The following MACROD2 variants were observed in gnomAD, a reference collection of about 807,000 sequenced individuals.
The protein encoded by MACROD2 is mono-ADP ribosylhydrolase 2, also known as ADP-ribose glycohydrolase MACROD2.
In MACROD2, 36 loss-of-function variants were observed where a neutral mutation model predicts 70.4. The observed-to-expected ratio is 0.51, with a 90% CI of 0.39 to 0.68. The LOEUF (loss-of-function observed/expected upper bound fraction) is 0.68, where lower values mean the gene tolerates loss of function less well. Among genes scored for constraint, MACROD2 ranks in the 30% least tolerant of loss-of-function variants. The pLI is 0.00. For synonymous variants in MACROD2, 172 were observed against 178.8 expected (o/e 0.96, Z 0.30); for missense variants, 496 against 538.4 (o/e 0.92, Z 0.78).
At chr20:15,551,676 C>G (rs1442676818) in intron 8 of MACROD2, among the ~76,000 whole-genome samples, 1 of 151,894 alleles carries the variant, frequency 6.6e-6, no homozygotes, top group African/African-American at 2.4e-5. Context: ...AGAGACCAGC[C>G]TGGGCAACAT....
At chr20:15,181,066 G>A (rs529263714) in intron 5 of MACROD2, among the ~76,000 whole-genome samples, 1 of 152,158 alleles carries the variant, frequency 6.6e-6, no homozygotes, top group African/African-American at 2.4e-5. Context: ...ATATACAGGG[G>A]GACCTTGACC....
intron 5 of MACROD2, among the ~76,000 whole-genome samples, chr20:15,101,981 A>G (rs1280962435): frequency 6.6e-6 from 1 of 152,046 alleles, no homozygotes; most frequent in Non-Finnish European, 1.5e-5. Context: ...CCTAGTAAAA[A>G]TAACAACAAA....
chr20:14,515,872 G>T (rs1456138852), intron 4 of MACROD2, among the ~76,000 whole-genome samples: 1 of 151,434 alleles, frequency 6.6e-6, no homozygotes, highest in Non-Finnish European at 1.5e-5. Flanking sequence ...TCACAGAAAA[G>T]AAGTTGGTAA....
At chr20:15,364,274 C>G (rs1306258704) in intron 6 of MACROD2, among the ~76,000 whole-genome samples, 1 of 152,178 alleles carries the variant, frequency 6.6e-6, no homozygotes. Context: ...CACTGGATGC[C>G]CTGCAGCAGT....
intron 8 of MACROD2, among the ~76,000 whole-genome samples, chr20:15,612,139 A>G (rs1010149923): frequency 1.3e-5 from 2 of 151,968 alleles, no homozygotes; most frequent in Non-Finnish European, 2.9e-5. Flanking sequence ...AGTAAATAAA[A>G]CCCGTGGCTT....
chr20:15,665,747 C>T (rs970376661), intron 8 of MACROD2, among the ~76,000 whole-genome samples: 1 of 152,194 alleles, frequency 6.6e-6, no homozygotes, highest in Non-Finnish European at 1.5e-5. Flanking sequence ...CCTTATCCTG[C>T]TTTCATGTGC....
At chr20:15,661,014 A>C (rs2049814256) in intron 8 of MACROD2, among the ~76,000 whole-genome samples, 1 of 152,216 alleles carries the variant, frequency 6.6e-6, no homozygotes, top group African/African-American at 2.4e-5. Flanking sequence ...TGAGCTATGC[A>C]GTTAATAGAA....
chr20:14,228,478 C>T (rs574725387), intron 3 of MACROD2, among the ~76,000 whole-genome samples: 8 of 151,856 alleles, frequency 5.3e-5, no homozygotes, highest in Admixed American at 2.6e-4. Context: ...GCTGGGACTA[C>T]GGGCATGTGC....
intron 4 of MACROD2, among the ~76,000 whole-genome samples, chr20:14,544,680 T>G (rs1012821976): frequency 7.2e-5 from 11 of 152,036 alleles, no homozygotes; most frequent in African/African-American, 2.7e-4. Flanking sequence ...CAAGGAACAC[T>G]GATAGGGGAG....
intron 5 of MACROD2, among the ~76,000 whole-genome samples, chr20:14,827,711 T>C (rs1331988565): frequency 6.6e-6 from 1 of 152,056 alleles, no homozygotes; most frequent in East Asian, 1.9e-4. Flanking sequence ...AAAAAGTTGT[T>C]GGAACATACT....
chr20:14,914,526 A>T (rs1168204524), intron 5 of MACROD2, among the ~76,000 whole-genome samples: 1 of 152,202 alleles, frequency 6.6e-6, no homozygotes, highest in Non-Finnish European at 1.5e-5. Context: ...AAGAAGGAAG[A>T]CTTTGCCTTG....
chr20:14,529,116 A>T (rs2085272460), intron 4 of MACROD2, among the ~76,000 whole-genome samples: 2 of 152,184 alleles, frequency 1.3e-5, no homozygotes, highest in South Asian at 4.1e-4. Context: ...GCTATTAGGT[A>T]GGTTGCCTTT....
intron 8 of MACROD2, among the ~76,000 whole-genome samples, chr20:15,600,394 C>T (rs139944579): frequency 1.1e-4 from 16 of 152,294 alleles, no homozygotes; most frequent in Middle Eastern, 3.4e-3. Context: ...ATCTTAATTT[C>T]GTGTTGCTCA....
At chr20:15,860,779 C>A (rs2064414557) in intron 8 of MACROD2, among the ~76,000 whole-genome samples, 1 of 152,144 alleles carries the variant, frequency 6.6e-6, no homozygotes, top group African/African-American at 2.4e-5. Flanking sequence ...CCCCAGAACT[C>A]ATCATTCTCA....
At chr20:15,150,276 G>A (rs1377459165) in intron 5 of MACROD2, among the ~76,000 whole-genome samples, 3 of 151,970 alleles carry the variant, frequency 2.0e-5, no homozygotes, top group South Asian at 2.1e-4. Flanking sequence ...AGGCTGGGAC[G>A]AGGGGTGTAG....
At chr20:15,345,285 T>A (rs1195117795) in intron 6 of MACROD2, among the ~76,000 whole-genome samples, 1 of 152,216 alleles carries the variant, frequency 6.6e-6, no homozygotes, top group Non-Finnish European at 1.5e-5. Flanking sequence ...TCATTTAATA[T>A]GGGTTTACTA....
In MACROD2 at chr20:14,451,790, C is replaced by T. The variant is rs1176831052; in HGVS notation, c.272-41689C>T. 1.3e-5 allele frequency among the ~76,000 whole-genome samples: 2 copies of T among 152,160 alleles called. 1 individual carries two copies. Among genetic ancestry groups the T allele is most frequent in the African/African-American group, 4.8e-5 (2 of 41,402 alleles). The stretch of plus-strand genomic sequence containing the variant: ...GGCCAAGGGAATATGGGAGGAGCGT[C>T]CAGTGTCTGCTAAGTGACCTTTTAC... On this transcript the variant is annotated intron_variant, in intron 3 of 17. Coordinates refer to ENST00000684519, the MANE Select transcript of MACROD2 (RefSeq NM_001351661.2).
At chr20:15,527,528 A>G (rs749698526) in intron 8 of MACROD2, among the ~76,000 whole-genome samples, 3 of 152,124 alleles carry the variant, frequency 2.0e-5, no homozygotes, top group Non-Finnish European at 4.4e-5. Context: ...CCGAAGTCAC[A>G]CCGCTCCCCA....
At chr20:15,168,439 G>T (rs940096772) in intron 5 of MACROD2, among the ~76,000 whole-genome samples, 1 of 134,060 alleles carries the variant, frequency 7.5e-6, no homozygotes. Flanking sequence ...CCACATTGTG[G>T]GATGTGTGTG....
Sources: gnomAD v4.1 joint callset for allele counts (sites outside exome capture counted in the v4.1 genomes callset) on GRCh38, gnomAD v4.1.1 for gene constraint, MANE v1.5 for transcripts, NCBI Gene and HGNC (gene_info 2026-07-23, HGNC 2026-07-21) for gene names.